B4GALT4: variants seen among roughly 807,000 people sequenced by gnomAD.
B4GALT4 encodes the protein beta-1,4-galactosyltransferase 4.
In B4GALT4, 27 loss-of-function variants were observed where a neutral mutation model predicts 37.3. The observed-to-expected ratio is 0.72, with a 90% CI of 0.53 to 1.00. The LOEUF (loss-of-function observed/expected upper bound fraction) is 1.00, where lower values mean the gene tolerates loss of function less well. Among genes scored for constraint, B4GALT4 ranks in the 50% least tolerant of loss-of-function variants. The pLI is 0.00. For missense variants in B4GALT4, 372 were observed against 413.1 expected (o/e 0.90, Z 0.86); for synonymous variants, 148 against 154.1 (o/e 0.96, Z 0.29).
In B4GALT4 at chr3:119,212,474, C is replaced by T. The variant is rs188399911; in HGVS notation, c.*75G>A. On this transcript the variant is annotated 3_prime_UTR_variant, in exon 8 of 8. Transcript: ENST00000393765. ...TGTAACAGGTTCTTAATGTGTGCTA[C>T]TATTTGAAGTCTCTAGGCCAAAATT... 866 of 1,436,892 alleles carry T rather than the reference C, an allele frequency of 6.0e-4. 6 individuals carry two copies. In the African/African-American group the frequency reaches 0.012, roughly 19 times the overall value. 89.0% of individuals were successfully genotyped at this position (1,436,892 alleles called of 1,614,324 possible).
intron 2 of B4GALT4, chr3:119,236,224 C>G (rs527744064): frequency 6.6e-6 from 1 of 151,546 alleles, no homozygotes; most frequent in African/African-American, 2.4e-5. Flanking sequence ...CGAGGAAAAA[C>G]TGAGGAACTA....
chr3:119,216,021 GAA>G (rs1262917073), intron 7 of B4GALT4: 2 of 313,012 alleles, frequency 6.4e-6, no homozygotes, highest in African/African-American at 4.3e-5. Flanking sequence ...AGTGGGGTAA[GAA>G]AAAAACTGAG....
chr3:119,212,071 C>T lies in B4GALT4; in HGVS notation c.*478G>A, dbSNP rs2078175724. Reference sequence around the variant, plus strand: ...CCCCTCTTTTGTGGACGCCTTCTCACCTGACACCACCACTTCACAGATGAT... The same window carrying T: ...CCCCTCTTTTGTGGACGCCTTCTCATCTGACACCACCACTTCACAGATGAT... On this transcript the variant is annotated 3_prime_UTR_variant, in exon 8 of 8. Coordinates refer to ENST00000393765, the MANE Select transcript of B4GALT4 (RefSeq NM_003778.4). 2 of 691,980 alleles carry T rather than the reference C, an allele frequency of 2.9e-6. No homozygotes were observed. The highest frequency in any genetic ancestry group is 3.5e-5 in the African/African-American group (2 of 56,896). 42.9% of individuals were successfully genotyped at this position (691,980 alleles called of 1,614,324 possible).
intron 5 of B4GALT4, among the ~76,000 whole-genome samples, chr3:119,220,404 C>T (rs917579388): frequency 4.6e-5 from 7 of 152,246 alleles, no homozygotes; most frequent in Admixed American, 2.6e-4. Flanking sequence ...ATTATCAAAA[C>T]CAATATCGCC....
intron 7 of B4GALT4, 74 bp from the exon 8 acceptor site, chr3:119,212,755 A>C: frequency 1.5e-6 from 2 of 1,354,188 alleles, no homozygotes; most frequent in Non-Finnish European, 2.0e-6. Flanking sequence ...CTTGCCCTGA[A>C]ATGTGGCAAA....
At chr3:119,229,598 C>T (rs1256044803) in intron 3 of B4GALT4, among the ~76,000 whole-genome samples, 4 of 152,146 alleles carry the variant, frequency 2.6e-5, no homozygotes, top group Admixed American at 6.5e-5. Flanking sequence ...CAGCAAGATT[C>T]CATTTCTTAA....
chr3:119,230,953 C>A (rs546446976), intron 2 of B4GALT4, among the ~76,000 whole-genome samples: 1 of 152,164 alleles, frequency 6.6e-6, no homozygotes, highest in African/African-American at 2.4e-5. Context: ...TAACCTTGGG[C>A]CAGTCATTTA....
chr3:119,212,924 C>T, intron 7 of B4GALT4: 2 of 430,428 alleles, frequency 4.6e-6, no homozygotes, highest in East Asian at 4.2e-5. Context: ...ACTCAGTGAG[C>T]CCCCAGTCTA....
At chr3:119,215,607 A>G (rs2107460066) in intron 7 of B4GALT4, 1 of 152,376 alleles carries the variant, frequency 6.6e-6, no homozygotes, top group African/African-American at 2.4e-5. Context: ...CAACCAGTTT[A>G]TGAGAAAATA....
rs764052326 is a variant in B4GALT4 at position 119,230,146 on chromosome 3, C to T, written c.-47G>A. On this transcript the variant is annotated 5_prime_UTR_variant, in exon 3 of 8. Transcript: ENST00000393765. ...ATCTATCTCTCTGCTTCACTGCAGG[C>T]AAGAAAGCTTCAAGTTGAGCTTTTC... 1 of 1,598,688 alleles carries T rather than the reference C, an allele frequency of 6.3e-7. No homozygotes were observed.
At chr3:119,237,387 TA>T (rs1056861532) in intron 1 of B4GALT4, among the ~76,000 whole-genome samples, 1 of 152,248 alleles carries the variant, frequency 6.6e-6, no homozygotes, top group African/African-American at 2.4e-5. Flanking sequence ...ACAAGTAACC[TA>T]AATGTTTTGA....
chr3:119,227,734 G>A (rs909252788), intron 3 of B4GALT4, among the ~76,000 whole-genome samples: 3 of 152,128 alleles, frequency 2.0e-5, no homozygotes, highest in African/African-American at 7.2e-5. Context: ...TTTTTTGTTT[G>A]TTTGTTTCTA....
At chr3:119,220,150 T>A (rs2078407613) in intron 5 of B4GALT4, among the ~76,000 whole-genome samples, 1 of 152,196 alleles carries the variant, frequency 6.6e-6, no homozygotes. Context: ...TCTGGGAAAT[T>A]GTATTTTTGC....
chr3:119,220,911 G>C (rs1156690037), intron 5 of B4GALT4, among the ~76,000 whole-genome samples: 2 of 151,846 alleles, frequency 1.3e-5, no homozygotes, highest in African/African-American at 2.4e-5. Context: ...CCTTGAACCC[G>C]GGAGGTGGAA....
At chr3:119,231,633 A>G (rs1324410522) in intron 2 of B4GALT4, among the ~76,000 whole-genome samples, 1 of 151,390 alleles carries the variant, frequency 6.6e-6, no homozygotes, top group Admixed American at 6.6e-5. Flanking sequence ...AAAGCTAATA[A>G]TAATTATATT....
chr3:119,226,691 C>T (rs1014512240), intron 4 of B4GALT4, 118 bp downstream of exon 4: 9 of 831,522 alleles, frequency 1.1e-5, no homozygotes, highest in East Asian at 8.0e-5. Context: ...GGTAAGAGAA[C>T]TCGTTTTTGA....
rs1576878873 is a variant in B4GALT4 at position 119,211,912 on chromosome 3, C to G, written c.*637G>C. ...TGGTGGGCATCACTGGAAGGCATAC[C>G]TGGGCAGGTCCTCCCCTGAAGGCTA... On this transcript the variant is annotated 3_prime_UTR_variant, in exon 8 of 8. Coordinates refer to ENST00000393765, the MANE Select transcript of B4GALT4 (RefSeq NM_003778.4). 3 of 490,094 alleles carry G rather than the reference C, an allele frequency of 6.1e-6. No homozygotes were observed. In the East Asian group the frequency reaches 9.1e-5, roughly 15 times the overall value. 30.4% of individuals were successfully genotyped at this position (490,094 alleles called of 1,614,324 possible). A position where few individuals can be genotyped will look rare whatever the true frequency, so the allele number is the denominator to read the frequency against.
intron 2 of B4GALT4, among the ~76,000 whole-genome samples, chr3:119,233,928 G>A (rs996114929): frequency 1.3e-5 from 2 of 152,114 alleles, no homozygotes; most frequent in Non-Finnish European, 2.9e-5. Flanking sequence ...AAGTGTGAAG[G>A]GTCTGTCATC....
At chr3:119,223,982 G>A in intron 5 of B4GALT4, 76 bp downstream of exon 5, 2 of 1,392,542 alleles carry the variant, frequency 1.4e-6, no homozygotes, top group Non-Finnish European at 1.9e-6. Flanking sequence ...TGACACTCTG[G>A]ATGCTTGTTC....
Sources: allele counts gnomAD v4.1 joint callset (sites outside exome capture counted in the v4.1 genomes callset), GRCh38; gene constraint gnomAD v4.1.1; transcripts MANE v1.5; gene names NCBI Gene and HGNC (gene_info 2026-07-23, HGNC 2026-07-21).